Variants in PPIL4 observed in about 807,000 individuals in gnomAD.
The protein encoded by PPIL4 is peptidyl-prolyl cis-trans isomerase-like 4.
PPIL4 carries 50 observed loss-of-function variants against 69.1 expected under a neutral mutation model. That is an observed-to-expected ratio of 0.72 (90% CI 0.58 to 0.92). PPIL4 has a LOEUF of 0.92. PPIL4 is among the 40% of genes least tolerant of loss of function. The probability of loss-of-function intolerance (pLI) is 0.00; values close to 1 mark genes in which losing one functional copy is unlikely to be tolerated. For synonymous variants in PPIL4, 193 were observed against 191.6 expected (o/e 1.01, Z -0.06); for missense variants, 480 against 587.9 (o/e 0.82, Z 1.90).
chr6:149,521,141 T>C lies in PPIL4; in HGVS notation c.901A>G (p.Met301Val). Residue 301 changes from methionine to valine, a missense_variant, in exon 10 of 13, where the codon ATG (methionine) becomes GTG (valine). Met to Val is a conservative substitution (Grantham distance 21). Coordinates refer to ENST00000253329, the MANE Select transcript of PPIL4 (RefSeq NM_139126.4). ...EEDCEKAFFK[M>V]DNVLIDDRRI... ...CTGTCATCTATAAGCACATTGTCCATTTTGAAGAATGCTTTCTCACAATCT... is the reference window on the plus strand; with the variant it reads ...CTGTCATCTATAAGCACATTGTCCACTTTGAAGAATGCTTTCTCACAATCT... The C allele has an allele frequency of 6.3e-7, 1 of 1,598,404 alleles. No individual in the cohort carries two copies. The highest frequency in any genetic ancestry group is 8.5e-7 in the Non-Finnish European group (1 of 1,169,634).
At position 149,518,532 on chromosome 6, in the gene PPIL4, G is replaced by C. The variant is rs532891014; in HGVS notation, c.983-1082C>G. Among the ~76,000 whole-genome samples, 13 of 152,244 alleles carry C rather than the reference G, an allele frequency of 8.5e-5. 1 individual carries two copies. The East Asian group carries it at 1.7e-3, about 20-fold the overall frequency. On this transcript the variant is annotated intron_variant, in intron 10 of 12. Transcript: ENST00000253329. ...TACCTTGATTGTCAGGGTTTTAAAG[G>C]GGGACCCATAGGGTAAGCAAAAAAG...
intron 1 of PPIL4, among the ~76,000 whole-genome samples, chr6:149,542,094 AAT>A (rs2115041509): frequency 6.6e-6 from 1 of 151,766 alleles, no homozygotes; most frequent in African/African-American, 2.4e-5. Context: ...TTTTTCCTTT[AAT>A]AGGAGTTTTG....
intron 12 of PPIL4, among the ~76,000 whole-genome samples, chr6:149,509,563 C>T (rs988098811): frequency 6.6e-6 from 1 of 152,088 alleles, no homozygotes; most frequent in Admixed American, 6.6e-5. Flanking sequence ...AAGACTGATG[C>T]GACCTCAGAC....
chr6:149,545,506 C>T (rs1390144200), intron 1 of PPIL4, among the ~76,000 whole-genome samples: 2 of 152,318 alleles, frequency 1.3e-5, no homozygotes, highest in South Asian at 4.1e-4. Flanking sequence ...TATGCCCACA[C>T]TCGCTGCGCC....
intron 8 of PPIL4, 32 bp from the exon 9 acceptor site, chr6:149,525,241 A>G: frequency 8.2e-7 from 1 of 1,223,626 alleles, no homozygotes; most frequent in Admixed American, 2.2e-5. Flanking sequence ...TGACTTAAAA[A>G]AAAAAAAAAG....
intron 10 of PPIL4, among the ~76,000 whole-genome samples, chr6:149,518,708 C>T (rs887799353): frequency 3.3e-5 from 5 of 152,156 alleles, no homozygotes; most frequent in Non-Finnish European, 7.3e-5. Context: ...AATTATTTGC[C>T]ATCTGCCTGC....
intron 12 of PPIL4, among the ~76,000 whole-genome samples, chr6:149,508,499 A>C (rs1205801556): frequency 6.6e-6 from 1 of 152,238 alleles, no homozygotes; most frequent in Non-Finnish European, 1.5e-5. Context: ...ACTTGAAATA[A>C]GCAATCAAAA....
In PPIL4 at chr6:149,504,984, A is replaced by T. The variant is rs536666336; in HGVS notation, c.*469T>A. Reference sequence around the variant, plus strand: ...TACAAAATTAACATTTCACTTACAGATACATACGTATGTTGTAAAACTATA... The same window carrying T: ...TACAAAATTAACATTTCACTTACAGTTACATACGTATGTTGTAAAACTATA... On this transcript the variant is annotated 3_prime_UTR_variant, in exon 13 of 13. Coordinates refer to ENST00000253329, the MANE Select transcript of PPIL4 (RefSeq NM_139126.4). The T allele has an allele frequency of 3.3e-5, 5 of 152,816 alleles. No individual in the cohort carries two copies. The East Asian group carries it at 9.6e-4, about 29-fold the overall frequency. The allele number at this position is 152,816 out of a possible 1,614,324, so 9.5% of individuals were successfully genotyped here.
At chr6:149,526,021 C>T (rs780674652) in intron 8 of PPIL4, among the ~76,000 whole-genome samples, 37 of 152,154 alleles carry the variant, frequency 2.4e-4, no homozygotes, top group Non-Finnish European at 4.6e-4. Context: ...ATCACTTGAA[C>T]CCGGGAGGCA....
intron 10 of PPIL4, among the ~76,000 whole-genome samples, chr6:149,518,703 T>C (rs1157606390): frequency 6.6e-6 from 1 of 152,202 alleles, no homozygotes; most frequent in Non-Finnish European, 1.5e-5. Flanking sequence ...TGAAAAATTA[T>C]TTGCCATCTG....
intron 12 of PPIL4, among the ~76,000 whole-genome samples, chr6:149,509,561 T>C (rs2115026299): frequency 6.6e-6 from 1 of 152,350 alleles, no homozygotes; most frequent in Non-Finnish European, 1.5e-5. Flanking sequence ...AGAAGACTGA[T>C]GCGACCTCAG....
chr6:149,512,092 A>T, intron 12 of PPIL4, 63 bp downstream of exon 12: 1 of 1,327,796 alleles, frequency 7.5e-7, no homozygotes, highest in Non-Finnish European at 1.0e-6. Context: ...TATCACTAAG[A>T]CATCATTTAC....
At chr6:149,529,503 C>T (rs904571837) in intron 7 of PPIL4, among the ~76,000 whole-genome samples, 74 of 151,850 alleles carry the variant, frequency 4.9e-4, no homozygotes, top group African/African-American at 1.3e-3. Flanking sequence ...GTGACTCATG[C>T]TGTAATCCCA....
intron 6 of PPIL4, 27 bp from the exon 7 acceptor site, chr6:149,533,601 T>A: frequency 7.7e-7 from 1 of 1,297,206 alleles, no homozygotes; most frequent in South Asian, 1.3e-5. Context: ...TACTCATGTA[T>A]ATATTTAAAG....
At chr6:149,529,269 C>T (rs79266580) in intron 7 of PPIL4, among the ~76,000 whole-genome samples, 1 of 150,806 alleles carries the variant, frequency 6.6e-6, no homozygotes, top group African/African-American at 2.4e-5. Context: ...AATCCCAGGC[C>T]GGGCAACATA....
At chr6:149,511,572 G>A (rs952103731) in intron 12 of PPIL4, among the ~76,000 whole-genome samples, 1 of 152,168 alleles carries the variant, frequency 6.6e-6, no homozygotes, top group African/African-American at 2.4e-5. Context: ...ACCGTACCCA[G>A]CCTGTAAATT....
At chr6:149,538,534 T>C (rs1270245114) in intron 4 of PPIL4, among the ~76,000 whole-genome samples, 2 of 152,182 alleles carry the variant, frequency 1.3e-5, no homozygotes, top group Non-Finnish European at 2.9e-5. Flanking sequence ...CTGATGGATA[T>C]GGGCAAGTAC....
chr6:149,511,609 C>T (rs1348794422), intron 12 of PPIL4, among the ~76,000 whole-genome samples: 1 of 152,076 alleles, frequency 6.6e-6, no homozygotes, highest in African/African-American at 2.4e-5. Flanking sequence ...AGAACCAAAG[C>T]ACAGGCTGGA....
At chr6:149,541,827 T>C (rs1777368182) in intron 1 of PPIL4, among the ~76,000 whole-genome samples, 2 of 152,068 alleles carry the variant, frequency 1.3e-5, no homozygotes, top group East Asian at 1.9e-4. Context: ...CTGGCCAATA[T>C]GGTGAAACCC....
Sources: gnomAD v4.1 joint callset for allele counts (sites outside exome capture counted in the v4.1 genomes callset) on GRCh38, gnomAD v4.1.1 for gene constraint, MANE v1.5 for transcripts, NCBI Gene and HGNC (gene_info 2026-07-23, HGNC 2026-07-21) for gene names.